Variants in PRR5L observed in about 807,000 individuals in gnomAD.
PRR5L encodes proline rich 5 like, also known as proline-rich protein 5-like.
PRR5L carries 21 observed loss-of-function variants against 36.4 expected under a neutral mutation model. The observed-to-expected ratio is 0.58, with a 90% confidence interval of 0.41 to 0.83. PRR5L has a LOEUF of 0.83. Ranked by LOEUF, PRR5L falls within the 40% of genes least tolerant of loss-of-function variation. The pLI, the probability that PRR5L is intolerant of heterozygous loss-of-function variation, is 0.00. For synonymous variants in PRR5L, 188 were observed against 197.0 expected (o/e 0.95, Z 0.38); for missense variants, 381 against 473.3 (o/e 0.80, Z 1.81).
intron 8 of PRR5L, among the ~76,000 whole-genome samples, chr11:36,452,337 A>G (rs1858962175): frequency 6.6e-6 from 1 of 152,170 alleles, no homozygotes. Context: ...TTGAGCTTCA[A>G]AGAAAGGAGC....
intron 3 of PRR5L, among the ~76,000 whole-genome samples, chr11:36,416,185 CAT>C (rs142442452): frequency 0.11 from 16,942 of 151,678 alleles, 1,060 homozygotes; most frequent in African/African-American, 0.17. Flanking sequence ...AAAAACTCTG[CAT>C]ATATATATAT....
At chr11:36,309,677 T>G (rs1182796658) in intron 1 of PRR5L, among the ~76,000 whole-genome samples, 1 of 151,466 alleles carries the variant, frequency 6.6e-6, no homozygotes, top group East Asian at 1.9e-4. Context: ...GTATATGATT[T>G]CAAAGTCTCC....
At chr11:36,398,450 C>T (rs750748225) in intron 1 of PRR5L, 1 of 152,520 alleles carries the variant, frequency 6.6e-6, no homozygotes, top group African/African-American at 2.4e-5. Context: ...TCCCAACGGC[C>T]TCCTCCTTCC....
chr11:36,312,032 A>C (rs913358953), intron 1 of PRR5L, among the ~76,000 whole-genome samples: 1 of 152,230 alleles, frequency 6.6e-6, no homozygotes, highest in African/African-American at 2.4e-5. Context: ...ACATATTTGC[A>C]GTGTCTTTTA....
intron 6 of PRR5L, among the ~76,000 whole-genome samples, chr11:36,438,366 C>T (rs1485971466): frequency 3.3e-5 from 5 of 152,198 alleles, no homozygotes; most frequent in African/African-American, 1.2e-4. Context: ...AGCCATTAAG[C>T]AATGGGTAGA....
At chr11:36,401,786 A>G (rs1004005839) in intron 2 of PRR5L, among the ~76,000 whole-genome samples, 2 of 152,150 alleles carry the variant, frequency 1.3e-5, no homozygotes, top group African/African-American at 4.8e-5. Context: ...TCTTTGTTTC[A>G]GTAGCCAGAA....
At chr11:36,339,972 TC>T (rs1856802968) in intron 1 of PRR5L, among the ~76,000 whole-genome samples, 3 of 152,114 alleles carry the variant, frequency 2.0e-5, no homozygotes, top group Admixed American at 2.0e-4. Flanking sequence ...GCACCCAACT[TC>T]TTCTCTGAGC....
intron 1 of PRR5L, among the ~76,000 whole-genome samples, chr11:36,378,773 GATA>G (rs1161148941): frequency 3.3e-5 from 5 of 152,146 alleles, no homozygotes; most frequent in Admixed American, 2.0e-4. Flanking sequence ...GAGAGACTTT[GATA>G]ATATTATATA....
intron 1 of PRR5L, among the ~76,000 whole-genome samples, chr11:36,342,966 A>C (rs1342321468): frequency 6.6e-6 from 1 of 152,344 alleles, no homozygotes; most frequent in Middle Eastern, 3.4e-3. Context: ...GACTTCAATA[A>C]GTGAATTGTT....
At chr11:36,309,515 T>A (rs1017370768) in intron 1 of PRR5L, among the ~76,000 whole-genome samples, 1 of 151,158 alleles carries the variant, frequency 6.6e-6, no homozygotes, top group Non-Finnish European at 1.5e-5. Flanking sequence ...CATTTAGTGA[T>A]GGGATTTTCT....
chr11:36,328,184 AG>A (rs1389287592), intron 1 of PRR5L, among the ~76,000 whole-genome samples: 1 of 152,200 alleles, frequency 6.6e-6, no homozygotes, highest in Non-Finnish European at 1.5e-5. Context: ...AATAGGGGAA[AG>A]AGGGAGAGAA....
chr11:36,460,019 G>T (rs896460528), intron 8 of PRR5L, among the ~76,000 whole-genome samples: 1 of 152,104 alleles, frequency 6.6e-6, no homozygotes, highest in Non-Finnish European at 1.5e-5. Flanking sequence ...AAATCACCGG[G>T]TAATACCTTT....
In PRR5L at chr11:36,401,549, C is replaced by G. The variant is rs532638992; in HGVS notation, c.164+264C>G. On this transcript the variant is annotated intron_variant, in intron 2 of 8. Coordinates refer to ENST00000530639, the MANE Select transcript of PRR5L (RefSeq NM_001160167.2). ...GGGCGATCCTCCTGCCCCAGCCTCC[C>G]GAGTAGCTGGGACTACAGGCACATG... 4.5e-4 allele frequency among the ~76,000 whole-genome samples: 68 copies of G among 152,194 alleles called. 1 individual carries two copies. Among genetic ancestry groups the G allele is most frequent in the African/African-American group, 1.4e-3 (60 of 41,520 alleles).
intron 8 of PRR5L, among the ~76,000 whole-genome samples, chr11:36,453,350 A>G (rs1266040475): frequency 6.6e-6 from 1 of 152,218 alleles, no homozygotes; most frequent in Non-Finnish European, 1.5e-5. Flanking sequence ...CCCAGGAACA[A>G]GAGTCAATTG....
chr11:36,395,922 G>T (rs1016121844), intron 1 of PRR5L, among the ~76,000 whole-genome samples: 1 of 151,858 alleles, frequency 6.6e-6, no homozygotes, highest in African/African-American at 2.4e-5. Context: ...TAGAGACAGG[G>T]TCTCACTACA....
intron 1 of PRR5L, among the ~76,000 whole-genome samples, chr11:36,311,607 C>A (rs1382839538): frequency 6.6e-6 from 1 of 152,188 alleles, no homozygotes; most frequent in Non-Finnish European, 1.5e-5. Flanking sequence ...TTCAAGATGT[C>A]ACTTTTTTTT....
At chr11:36,417,449 C>T (rs1434358721) in intron 3 of PRR5L, among the ~76,000 whole-genome samples, 1 of 152,198 alleles carries the variant, frequency 6.6e-6, no homozygotes. Context: ...GCCCAACCCG[C>T]TCTTAGTCCA....
intron 1 of PRR5L, among the ~76,000 whole-genome samples, chr11:36,381,454 G>T (rs1387003029): frequency 1.3e-5 from 2 of 149,478 alleles, no homozygotes; most frequent in African/African-American, 4.9e-5. Flanking sequence ...GTAGGGGTGG[G>T]TGGGGAGGGG....
At chr11:36,455,069 CCACA>C (rs1254597723) in intron 8 of PRR5L, among the ~76,000 whole-genome samples, 1 of 152,236 alleles carries the variant, frequency 6.6e-6, no homozygotes, top group East Asian at 1.9e-4. Context: ...TCGACTTCTC[CCACA>C]CAAAGGCCCT....
Sources: allele counts gnomAD v4.1 joint callset (sites outside exome capture counted in the v4.1 genomes callset), GRCh38; gene constraint gnomAD v4.1.1; transcripts MANE v1.5; gene names NCBI Gene and HGNC (gene_info 2026-07-23, HGNC 2026-07-21).